SOX5: variants seen among roughly 807,000 people sequenced by gnomAD.
SOX5 encodes transcription factor SOX-5.
SOX5 carries 9 observed loss-of-function variants against 92.0 expected under a neutral mutation model. The ratio of observed to expected loss-of-function variants is 0.10; its 90% CI spans 0.06 to 0.17. SOX5 has a LOEUF of 0.17. Among genes scored for constraint, SOX5 ranks in the 10% least tolerant of loss-of-function variants. The pLI, the probability that SOX5 is intolerant of heterozygous loss-of-function variation, is 1.00. For synonymous variants in SOX5, 344 were observed against 336.3 expected (o/e 1.02, Z -0.25); for missense variants, 642 against 944.5 (o/e 0.68, Z 4.20).
rs184080428 is a variant in SOX5, at chr12:23,530,723, C to G, written c.*3496G>C. On this transcript the variant is annotated 3_prime_UTR_variant, in exon 15 of 15. Coordinates refer to ENST00000451604, the MANE Select transcript of SOX5 (RefSeq NM_006940.6). ...CTCTTAGATTCATATGAAAACAGGA[C>G]TATTTTTAGAGAAACGGACTACAAC... is the stretch of plus-strand genomic sequence containing the variant. 2.6e-4 allele frequency: 39 copies of G among 151,582 alleles called. No individual in the cohort carries two copies. The highest frequency in any genetic ancestry group is 8.9e-4 in the African/African-American group (37 of 41,344). 9.4% of individuals were successfully genotyped at this position (151,582 alleles called of 1,614,324 possible).
At chr12:23,712,837 C>T (rs2092172895) in intron 6 of SOX5, among the ~76,000 whole-genome samples, 1 of 152,202 alleles carries the variant, frequency 6.6e-6, no homozygotes. Context: ...GCCATACACT[C>T]ATCCTTCTCT....
Position 23,533,075 on chromosome 12 carries a change from A to T in SOX5, c.*1144T>A. 1 of 427,612 alleles carries T rather than the reference A, an allele frequency of 2.3e-6. No homozygotes were observed. Among genetic ancestry groups the T allele is most frequent in the Non-Finnish European group, 4.8e-6 (1 of 209,878 alleles). The allele number at this position is 427,612 out of a possible 1,614,324, so 26.5% of individuals were successfully genotyped here. A position where few individuals can be genotyped will look rare whatever the true frequency, so the allele number is the denominator to read the frequency against. ...CCATCCAATAATAATCAGACATTTA[A>T]AAATATAATTTCTGAGCCCTATACT... On this transcript the variant is annotated 3_prime_UTR_variant, in exon 15 of 15. Transcript: ENST00000451604.
intron 3 of SOX5, among the ~76,000 whole-genome samples, chr12:23,781,882 T>C (rs2095287452): frequency 6.6e-6 from 1 of 152,142 alleles, no homozygotes; most frequent in Admixed American, 6.5e-5. Context: ...GGTGAAGTTA[T>C]ATAGAAACAA....
At chr12:23,716,001 A>T (rs2092470696) in intron 6 of SOX5, among the ~76,000 whole-genome samples, 1 of 152,132 alleles carries the variant, frequency 6.6e-6, no homozygotes, top group Non-Finnish European at 1.5e-5. Context: ...AAACTGATTT[A>T]AGTTTGTTGT....
intron 4 of SOX5, among the ~76,000 whole-genome samples, chr12:24,000,766 G>T (rs566419025): frequency 6.6e-6 from 1 of 152,034 alleles, no homozygotes; most frequent in African/African-American, 2.4e-5. Context: ...TGTAATGCAA[G>T]ATTTTTTTAA....
At chr12:24,542,493 C>T (rs1038250854) in intron 1 of SOX5, among the ~76,000 whole-genome samples, 1 of 152,282 alleles carries the variant, frequency 6.6e-6, no homozygotes, top group East Asian at 1.9e-4. Context: ...TTCCCCAAGT[C>T]GCCTGAGAAA....
intron 3 of SOX5, among the ~76,000 whole-genome samples, chr12:24,247,130 T>G (rs901306257): frequency 6.6e-6 from 1 of 152,150 alleles, no homozygotes; most frequent in Non-Finnish European, 1.5e-5. Context: ...ATTTCCTGAG[T>G]GCCTCCGATG....
At chr12:24,365,074 C>T (rs992094910) in intron 2 of SOX5, among the ~76,000 whole-genome samples, 9 of 152,212 alleles carry the variant, frequency 5.9e-5, no homozygotes, top group Non-Finnish European at 1.2e-4. Context: ...GCAGTAATGA[C>T]TCATTTTTCT....
At chr12:24,526,061 G>A (rs950803055) in intron 1 of SOX5, among the ~76,000 whole-genome samples, 4 of 152,016 alleles carry the variant, frequency 2.6e-5, no homozygotes, top group African/African-American at 9.7e-5. Flanking sequence ...TGTAGAGACA[G>A]GATTTTGCCA....
chr12:24,454,111 T>G (rs1358754606), intron 1 of SOX5, among the ~76,000 whole-genome samples: 1 of 149,814 alleles, frequency 6.7e-6, no homozygotes, highest in East Asian at 1.9e-4. Flanking sequence ...TTCGTTCTCT[T>G]GTTTTATTAA....
At chr12:24,043,554 C>A (rs1199491746) in intron 4 of SOX5, among the ~76,000 whole-genome samples, 1 of 152,200 alleles carries the variant, frequency 6.6e-6, no homozygotes, top group Non-Finnish European at 1.5e-5. Flanking sequence ...TCCAACAGAA[C>A]TTTCTTACTG....
At chr12:24,138,069 G>C (rs1356187733) in intron 4 of SOX5, among the ~76,000 whole-genome samples, 2 of 152,180 alleles carry the variant, frequency 1.3e-5, no homozygotes, top group Non-Finnish European at 2.9e-5. Context: ...TAAGAAAAAG[G>C]TATCATGCTA....
intron 4 of SOX5, among the ~76,000 whole-genome samples, chr12:23,744,538 A>C (rs987806433): frequency 2.6e-5 from 4 of 152,168 alleles, no homozygotes; most frequent in African/African-American, 9.7e-5. Context: ...CCCTGCATTG[A>C]TATTAATCAA....
intron 9 of SOX5, among the ~76,000 whole-genome samples, chr12:23,593,374 CTGAGTG>C (rs1403144290): frequency 3.3e-5 from 5 of 152,148 alleles, no homozygotes; most frequent in Non-Finnish European, 7.3e-5. Flanking sequence ...GGTTCTTCAG[CTGAGTG>C]TTAGCAGTAA....
At chr12:24,084,752 T>A (rs1943762201) in intron 4 of SOX5, among the ~76,000 whole-genome samples, 1 of 152,182 alleles carries the variant, frequency 6.6e-6, no homozygotes, top group East Asian at 1.9e-4. Context: ...AGAACTCCAG[T>A]GTAAACCCAA....
chr12:24,184,567 C>G (rs1955835602), intron 4 of SOX5, among the ~76,000 whole-genome samples: 1 of 152,084 alleles, frequency 6.6e-6, no homozygotes, highest in Admixed American at 6.6e-5. Flanking sequence ...TTAATTAGGA[C>G]AGACACCCTA....
At chr12:24,235,010 CACT>C (rs1209512061) in intron 3 of SOX5, among the ~76,000 whole-genome samples, 1 of 152,214 alleles carries the variant, frequency 6.6e-6, no homozygotes, top group Non-Finnish European at 1.5e-5. Flanking sequence ...CAGAACCCTG[CACT>C]ACAATAAACT....
At chr12:23,748,252 TAAC>T in intron 4 of SOX5, among the ~76,000 whole-genome samples, 2 of 152,170 alleles carry the variant, frequency 1.3e-5, no homozygotes, top group Admixed American at 1.3e-4. Flanking sequence ...GAATAATACC[TAAC>T]AACATAGTGG....
chr12:23,644,446 CAT>C (rs139584206), intron 7 of SOX5, among the ~76,000 whole-genome samples: 2,231 of 152,286 alleles, frequency 0.015, 29 homozygotes, highest in Middle Eastern at 0.031. Context: ...AAGTAGGAAA[CAT>C]GTGGCATCTG....
Sources: gnomAD v4.1 joint callset for allele counts (sites outside exome capture counted in the v4.1 genomes callset) on GRCh38, gnomAD v4.1.1 for gene constraint, MANE v1.5 for transcripts, NCBI Gene and HGNC (gene_info 2026-07-23, HGNC 2026-07-21) for gene names.